The following NRF1 variants were observed in gnomAD, a reference collection of about 807,000 sequenced individuals.
NRF1 encodes alpha palindromic-binding protein.
A neutral mutation model predicts 58.5 loss-of-function variants in NRF1; 5 were observed. The ratio of observed to expected loss-of-function variants is 0.09; its 90% confidence interval spans 0.04 to 0.18. The LOEUF (loss-of-function observed/expected upper bound fraction) is 0.18, where lower values mean the gene tolerates loss of function less well. Among genes scored for constraint, NRF1 ranks in the 10% least tolerant of loss-of-function variants. The pLI is 1.00. For synonymous variants in NRF1, 224 were observed against 246.7 expected (o/e 0.91, Z 0.86); for missense variants, 288 against 657.7 (o/e 0.44, Z 6.15).
intron 3 of NRF1, among the ~76,000 whole-genome samples, chr7:129,674,525 C>T (rs1244509946): frequency 6.6e-6 from 1 of 152,114 alleles, no homozygotes; most frequent in African/African-American, 2.4e-5. Flanking sequence ...GCCTCAATCT[C>T]CTGGGCTCAA....
At chr7:129,732,319 A>G (rs1225280414) in intron 10 of NRF1, among the ~76,000 whole-genome samples, 1 of 152,226 alleles carries the variant, frequency 6.6e-6, no homozygotes, top group Non-Finnish European at 1.5e-5. Context: ...TCATTCCTGA[A>G]AAGTAGATGG....
intron 1 of NRF1, among the ~76,000 whole-genome samples, chr7:129,614,823 A>G (rs753969279): frequency 3.5e-4 from 53 of 152,240 alleles, no homozygotes; most frequent in Non-Finnish European, 5.9e-4. Context: ...CACTTGTCTA[A>G]TTTTGTTAGG....
chr7:129,715,878 G>A (rs1219547644), intron 8 of NRF1, among the ~76,000 whole-genome samples: 2 of 152,092 alleles, frequency 1.3e-5, no homozygotes, highest in East Asian at 1.9e-4. Context: ...GTGGTGGGGT[G>A]CCTGTAATCC....
intron 10 of NRF1, among the ~76,000 whole-genome samples, chr7:129,735,467 T>A (rs1233003169): frequency 6.7e-6 from 1 of 150,012 alleles, no homozygotes; most frequent in Non-Finnish European, 1.5e-5. Context: ...GAGGCAGAGG[T>A]TGCGGTGAGC....
chr7:129,658,491 G>A (rs1268199358), intron 2 of NRF1, among the ~76,000 whole-genome samples: 1 of 151,898 alleles, frequency 6.6e-6, no homozygotes, highest in African/African-American at 2.4e-5. Context: ...GGAGGCTGTG[G>A]TGGGATGACT....
intron 10 of NRF1, among the ~76,000 whole-genome samples, chr7:129,738,310 G>A (rs1318195809): frequency 6.6e-6 from 1 of 152,230 alleles, no homozygotes; most frequent in Non-Finnish European, 1.5e-5. Flanking sequence ...AGTGAGGGGA[G>A]TATGCAGCGT....
At chr7:129,663,059 G>A (rs1440612529) in intron 2 of NRF1, among the ~76,000 whole-genome samples, 2 of 152,232 alleles carry the variant, frequency 1.3e-5, no homozygotes, top group Non-Finnish European at 2.9e-5. Flanking sequence ...GTTTCAGAGA[G>A]CATGGGGTTG....
At chr7:129,616,679 A>C (rs931173446) in intron 1 of NRF1, among the ~76,000 whole-genome samples, 3 of 152,222 alleles carry the variant, frequency 2.0e-5, no homozygotes, top group Non-Finnish European at 4.4e-5. Context: ...CTCTAAGAGC[A>C]GTCACTTAGA....
intron 8 of NRF1, among the ~76,000 whole-genome samples, chr7:129,712,653 A>G (rs147176320): frequency 2.6e-5 from 4 of 152,266 alleles, no homozygotes; most frequent in Non-Finnish European, 5.9e-5. Context: ...TGGGGAAGAG[A>G]GATGTCTACG....
intron 4 of NRF1, among the ~76,000 whole-genome samples, chr7:129,681,937 C>T (rs1802322062): frequency 6.7e-6 from 1 of 148,654 alleles, no homozygotes; most frequent in African/African-American, 2.5e-5. Flanking sequence ...AAAAAAAAAG[C>T]CAGGCATACT....
chr7:129,701,174 A>C (rs1802816456), intron 5 of NRF1, among the ~76,000 whole-genome samples: 2 of 152,226 alleles, frequency 1.3e-5, no homozygotes, highest in African/African-American at 4.8e-5. Context: ...TAGAAAAATA[A>C]GCAAACATTA....
intron 2 of NRF1, among the ~76,000 whole-genome samples, chr7:129,665,605 A>ACCAG (rs1801901697): frequency 6.6e-6 from 1 of 152,018 alleles, no homozygotes. Flanking sequence ...AATCACCAGT[A>ACCAG]TGTTGTTTGT....
intron 8 of NRF1, among the ~76,000 whole-genome samples, chr7:129,712,564 TG>T (rs947346307): frequency 1.3e-5 from 2 of 152,190 alleles, no homozygotes; most frequent in African/African-American, 4.8e-5. Context: ...CCACCCTGCA[TG>T]TGCCAAACCC....
chr7:129,637,583 G>A lies in NRF1; in HGVS notation c.-6-19763G>A, dbSNP rs142119818. Among the ~76,000 whole-genome samples the A allele has an allele frequency of 6.7e-3, 1,013 of 152,206 alleles. 10 individuals are homozygous for A. Among genetic ancestry groups the A allele is most frequent in the African/African-American group, 0.023 (963 of 41,554 alleles). On this transcript the variant is annotated intron_variant, in intron 1 of 10. Coordinates refer to ENST00000393232, the MANE Select transcript of NRF1 (RefSeq NM_005011.5). ...ATAAAAAGTATTCTTAATAGTTTTAGTATATCTTTTGAAATTATTTTGTTT... is the reference window on the plus strand; with the variant it reads ...ATAAAAAGTATTCTTAATAGTTTTAATATATCTTTTGAAATTATTTTGTTT...
intron 10 of NRF1, among the ~76,000 whole-genome samples, chr7:129,728,648 A>G (rs1803507845): frequency 1.3e-5 from 2 of 152,188 alleles, no homozygotes; most frequent in Non-Finnish European, 2.9e-5. Flanking sequence ...AAAGTCTTTG[A>G]AGAAAGACAT....
At chr7:129,651,176 C>G (rs555749240) in intron 1 of NRF1, among the ~76,000 whole-genome samples, 1 of 152,114 alleles carries the variant, frequency 6.6e-6, no homozygotes, top group South Asian at 2.1e-4. Context: ...AATCCCAGCA[C>G]TTTGAGAGAC....
intron 1 of NRF1, among the ~76,000 whole-genome samples, chr7:129,632,985 A>G (rs1232873636): frequency 7.4e-6 from 1 of 135,442 alleles, no homozygotes; most frequent in African/African-American, 2.4e-5. Context: ...TTTAAGGATT[A>G]CATAAAATTG....
At chr7:129,740,144 T>C (rs1265155503) in intron 10 of NRF1, among the ~76,000 whole-genome samples, 1 of 152,130 alleles carries the variant, frequency 6.6e-6, no homozygotes, top group Non-Finnish European at 1.5e-5. Context: ...CCAAAATAGC[T>C]CTTGGAAAGA....
intron 10 of NRF1, among the ~76,000 whole-genome samples, chr7:129,737,732 C>T (rs1349437593): frequency 6.6e-6 from 1 of 152,138 alleles, no homozygotes; most frequent in Non-Finnish European, 1.5e-5. Context: ...TCACTTTTTG[C>T]CTCATTATTT....
Sources: allele counts gnomAD v4.1 joint callset (sites outside exome capture counted in the v4.1 genomes callset), GRCh38; gene constraint gnomAD v4.1.1; transcripts MANE v1.5; gene names NCBI Gene and HGNC (gene_info 2026-07-23, HGNC 2026-07-21).